Variants in EPB41 observed in about 807,000 individuals in gnomAD.
EPB41 encodes the protein erythrocyte membrane protein band 4.1.
In EPB41, 65 loss-of-function variants were observed where a neutral mutation model predicts 108.0. The ratio of observed to expected loss-of-function variants is 0.60; its 90% CI spans 0.49 to 0.74. The LOEUF (loss-of-function observed/expected upper bound fraction) is 0.74. Ranked by LOEUF, EPB41 falls within the 30% of genes least tolerant of loss-of-function variation. The probability of loss-of-function intolerance (pLI) is 0.00; values close to 1 mark genes in which losing one functional copy is unlikely to be tolerated. For missense variants in EPB41, 875 were observed against 1,037.0 expected (o/e 0.84, Z 2.15); for synonymous variants, 336 against 358.9 (o/e 0.94, Z 0.72).
At chr1:29,036,855 T>C (rs898764555) in intron 10 of EPB41, among the ~76,000 whole-genome samples, 10 of 151,956 alleles carry the variant, frequency 6.6e-5, no homozygotes, top group African/African-American at 2.4e-4. Context: ...TTTGTTTTTG[T>C]ATTTTTAGTA....
At chr1:29,081,271 G>C (rs1005090545) in intron 16 of EPB41, among the ~76,000 whole-genome samples, 2 of 152,172 alleles carry the variant, frequency 1.3e-5, no homozygotes, top group Non-Finnish European at 2.9e-5. Context: ...ACATCTGTTA[G>C]AAACATTTTA....
At chr1:28,887,131 A>G (rs1314181617), upstream of EPB41, 4 of 903,332 alleles carry the variant, frequency 4.4e-6, no homozygotes, top group Non-Finnish European at 6.3e-6. This position sits in a 1 kb window ranked among gnomAD's most constrained non-coding sequence, Gnocchi z 4.9. Context: ...GGCGGGGCAA[A>G]GTGGCAGGAA....
At chr1:28,973,648 G>T (rs1467636665) in intron 1 of EPB41, among the ~76,000 whole-genome samples, 1 of 152,084 alleles carries the variant, frequency 6.6e-6, no homozygotes, top group East Asian at 1.9e-4. Flanking sequence ...TCCTGTTTTG[G>T]TCTCCCAGAG....
chr1:29,065,289 C>T (rs1385346722), intron 16 of EPB41, 131 bp downstream of exon 16: 3 of 1,368,968 alleles, frequency 2.2e-6, no homozygotes, highest in Non-Finnish European at 1.9e-6. Flanking sequence ...TTCATTGCTG[C>T]TTTAAGGCAT....
At chr1:29,017,114 G>A (rs1195308202) in intron 6 of EPB41, among the ~76,000 whole-genome samples, 1 of 152,070 alleles carries the variant, frequency 6.6e-6, no homozygotes, top group Non-Finnish European at 1.5e-5. Flanking sequence ...GTCTTTTGGA[G>A]TTGCTACTTA....
rs1228487703 is a variant in EPB41 at position 29,119,217 on chromosome 1, C to CT, written c.*2407dup. The stretch of plus-strand genomic sequence containing the variant: ...GCAAGATGGGTGTCCTTCCAGGCCT[C>CT]TTCCCCTTTCCTCCATCTCTGGCAA... On this transcript the variant is annotated 3_prime_UTR_variant, in exon 21 of 21. Transcript: ENST00000343067. The CT allele has an allele frequency of 6.6e-6, 1 of 152,668 alleles. No homozygotes were observed. Among genetic ancestry groups the CT allele is most frequent in the Non-Finnish European group, 1.5e-5 (1 of 68,066 alleles). The allele number at this position is 152,668 out of a possible 1,614,324, so 9.5% of individuals were successfully genotyped here. A position where few individuals can be genotyped will look rare whatever the true frequency, so the allele number is the denominator to read the frequency against.
intron 1 of EPB41, among the ~76,000 whole-genome samples, chr1:28,949,412 T>TA (rs1271370365): frequency 6.6e-6 from 1 of 152,092 alleles, no homozygotes; most frequent in Non-Finnish European, 1.5e-5. Flanking sequence ...TGCACTCCAG[T>TA]ATGAGTGACA....
chr1:28,929,840 CTTCTTTTT>C lies in EPB41; in HGVS notation c.-8+15075_-8+15082del, dbSNP rs1246312749. Among the ~76,000 whole-genome samples, 94 of 110,022 alleles carry C rather than the reference CTTCTTTTT, an allele frequency of 8.5e-4. 1 individual carries two copies. Among genetic ancestry groups the C allele is most frequent in the African/African-American group, 3.7e-3 (93 of 25,062 alleles). 72.2% of individuals were successfully genotyped at this position (110,022 alleles called of 152,430 possible). On this transcript the variant is annotated intron_variant, in intron 1 of 20. Transcript: ENST00000343067. ...TGAGCCACCGCGCCTGGCACTGGGC[CTTCTTTTT>C]TTTTTTTTTTTTTTTTTTTAAAGAC...
At chr1:29,071,223 C>T (rs1651215757) in intron 16 of EPB41, 1 of 152,178 alleles carries the variant, frequency 6.6e-6, no homozygotes, top group Non-Finnish European at 1.5e-5. Context: ...CTGAGCTGTA[C>T]AGGGACAGAC....
intron 2 of EPB41, among the ~76,000 whole-genome samples, chr1:28,991,825 G>A (rs1012205416): frequency 6.6e-6 from 1 of 151,860 alleles, no homozygotes; most frequent in East Asian, 1.9e-4. Context: ...TTACAACCCT[G>A]CAGGCCAGGT....
At chr1:28,970,847 G>A (rs1323344367) in intron 1 of EPB41, among the ~76,000 whole-genome samples, 1 of 152,102 alleles carries the variant, frequency 6.6e-6, no homozygotes, top group Non-Finnish European at 1.5e-5. Context: ...CTCTTCCTTA[G>A]CATTTACTCT....
At chr1:28,963,317 A>G (rs1046473757) in intron 1 of EPB41, among the ~76,000 whole-genome samples, 1 of 151,426 alleles carries the variant, frequency 6.6e-6, no homozygotes, top group African/African-American at 2.4e-5. Context: ...GATGAGGGCT[A>G]CAAGCTACAT....
intron 11 of EPB41, among the ~76,000 whole-genome samples, chr1:29,048,354 A>G (rs1434256708): frequency 2.6e-5 from 4 of 151,982 alleles, no homozygotes; most frequent in Non-Finnish European, 4.4e-5. Context: ...AGCTGGGATT[A>G]CAGGCATGCA....
intron 16 of EPB41, among the ~76,000 whole-genome samples, chr1:29,086,576 T>A (rs1659042937): frequency 6.6e-6 from 1 of 151,974 alleles, no homozygotes; most frequent in African/African-American, 2.4e-5. Flanking sequence ...CCGGCCACCT[T>A]AAGATCCTTT....
chr1:29,077,789 T>C (rs1302518466), intron 16 of EPB41, among the ~76,000 whole-genome samples: 1 of 152,234 alleles, frequency 6.6e-6, no homozygotes, highest in Non-Finnish European at 1.5e-5. Context: ...ATAAAATGAA[T>C]GTGATTATGC....
Position 28,921,938 on chromosome 1 carries a change from T to TTATATA in EPB41, c.-8+7189_-8+7194dup, listed in dbSNP as rs66808636. Among the ~76,000 whole-genome samples, 238 of 102,642 alleles carry TTATATA rather than the reference T, an allele frequency of 2.3e-3. 5 individuals carry two copies. The highest frequency in any genetic ancestry group is 8.5e-3 in the African/African-American group (188 of 22,022). 67.3% of individuals were successfully genotyped at this position (102,642 alleles called of 152,430 possible). ...TAAATAGTATTTTATTTATGAAATT[T>TTATATA]TATATATATATATATATATATATAC... is the stretch of plus-strand genomic sequence containing the variant. On this transcript the variant is annotated intron_variant, in intron 1 of 20. Coordinates refer to ENST00000343067, the MANE Select transcript of EPB41 (RefSeq NM_001376013.1).
At chr1:29,114,972 T>G (rs945029247) in intron 19 of EPB41, among the ~76,000 whole-genome samples, 1 of 152,130 alleles carries the variant, frequency 6.6e-6, no homozygotes, top group Non-Finnish European at 1.5e-5. Context: ...TTCTTTACTT[T>G]CCTCTCCCGT....
intron 1 of EPB41, among the ~76,000 whole-genome samples, chr1:28,974,074 T>C (rs1337707793): frequency 1.3e-5 from 2 of 152,222 alleles, no homozygotes; most frequent in African/African-American, 4.8e-5. Context: ...GTTATTTGTT[T>C]TATGACGTGG....
At chr1:29,030,530 A>G (rs748733125) in intron 8 of EPB41, 43 bp downstream of exon 8, 2 of 1,353,184 alleles carry the variant, frequency 1.5e-6, no homozygotes, top group Non-Finnish European at 2.1e-6. Context: ...TGTGGAAGAT[A>G]TTATATGATA....
Sources: allele counts gnomAD v4.1 joint callset (sites outside exome capture counted in the v4.1 genomes callset), GRCh38; gene constraint gnomAD v4.1.1; non-coding constraint Gnocchi (gnomAD v3.1); transcripts MANE v1.5; gene names NCBI Gene and HGNC (gene_info 2026-07-23, HGNC 2026-07-21).